Variants in NCAM1 observed in about 807,000 individuals in gnomAD.
NCAM1 encodes the protein neural cell adhesion molecule 1.
Under a neutral mutation model 109.8 loss-of-function variants are expected in NCAM1, and 14 were observed. The ratio of observed to expected loss-of-function variants is 0.13; its 90% CI spans 0.08 to 0.20. The LOEUF is 0.20. Ranked by LOEUF, NCAM1 falls within the 10% of genes least tolerant of loss-of-function variation. NCAM1 has a pLI of 1.00. For synonymous variants in NCAM1, 418 were observed against 442.9 expected (o/e 0.94, Z 0.70); for missense variants, 774 against 1,109.9 (o/e 0.70, Z 4.30).
At chr11:113,000,081 C>T (rs1259155286) in intron 1 of NCAM1, among the ~76,000 whole-genome samples, 1 of 151,998 alleles carries the variant, frequency 6.6e-6, no homozygotes, top group Non-Finnish European at 1.5e-5. Flanking sequence ...GCCTGATATT[C>T]TGCCACTGAT....
chr11:113,176,381 G>T (rs1943143691), intron 1 of NCAM1, among the ~76,000 whole-genome samples: 2 of 152,196 alleles, frequency 1.3e-5, no homozygotes, highest in South Asian at 4.1e-4. Context: ...TTTGATTGTG[G>T]TGAAGCATGA....
intron 1 of NCAM1, among the ~76,000 whole-genome samples, chr11:113,027,877 G>A (rs560486059): frequency 2.6e-5 from 4 of 152,132 alleles, no homozygotes; most frequent in East Asian, 1.9e-4. Flanking sequence ...AATTGACTAC[G>A]TGTCAGCGTT....
At position 113,276,239 on chromosome 11, in the gene NCAM1, G is replaced by T. The variant is rs1946398015; in HGVS notation, c.*852G>T. The T allele has an allele frequency of 6.6e-6, 1 of 152,582 alleles. No homozygotes were observed. Among genetic ancestry groups the T allele is most frequent in the South Asian group, 2.1e-4 (1 of 4,820 alleles). 9.5% of individuals were successfully genotyped at this position (152,582 alleles called of 1,614,324 possible). On this transcript the variant is annotated 3_prime_UTR_variant, in exon 20 of 20. Coordinates refer to ENST00000316851, the MANE Select transcript of NCAM1 (RefSeq NM_181351.5). ...ATCATCCCACGCTTGCTTTAGCACA[G>T]GACAACTTTACAAAACATGATTGTT...
intron 1 of NCAM1, among the ~76,000 whole-genome samples, chr11:113,161,315 T>TA (rs1248875058): frequency 6.6e-6 from 1 of 152,222 alleles, no homozygotes; most frequent in Admixed American, 6.5e-5. Context: ...TTCTGCTCCT[T>TA]ACATCTACAT....
intron 1 of NCAM1, among the ~76,000 whole-genome samples, chr11:113,063,476 C>G (rs1195698110): frequency 1.3e-5 from 2 of 152,224 alleles, no homozygotes; most frequent in Non-Finnish European, 2.9e-5. Flanking sequence ...CTCTGAGCCT[C>G]ATTCTGCCTC....
At chr11:113,255,732 T>C (rs1281203374) in intron 15 of NCAM1, 145 bp from the exon 16 acceptor site, 11 of 944,244 alleles carry the variant, frequency 1.2e-5, no homozygotes, top group African/African-American at 3.3e-5. Context: ...GGAATTCAGT[T>C]TTATATTTAT....
At chr11:113,026,365 C>T (rs1360514908) in intron 1 of NCAM1, among the ~76,000 whole-genome samples, 3 of 152,068 alleles carry the variant, frequency 2.0e-5, no homozygotes, top group Non-Finnish European at 4.4e-5. Context: ...TACTTTGCTT[C>T]CCCAGGATTT....
chr11:113,012,912 T>C (rs1250438877), intron 1 of NCAM1, among the ~76,000 whole-genome samples: 1 of 152,180 alleles, frequency 6.6e-6, no homozygotes, highest in Non-Finnish European at 1.5e-5. Flanking sequence ...AGGAGATAGA[T>C]GCTGAAGTAT....
At chr11:113,107,674 G>C (rs12270558) in intron 1 of NCAM1, among the ~76,000 whole-genome samples, 10,896 of 152,100 alleles carry the variant, frequency 0.072, 755 homozygotes, top group Admixed American at 0.17. Context: ...ATTACCACGA[G>C]GACAGTATGG....
At chr11:113,059,938 A>G (rs1555083203) in intron 1 of NCAM1, among the ~76,000 whole-genome samples, 1 of 152,198 alleles carries the variant, frequency 6.6e-6, no homozygotes, top group East Asian at 1.9e-4. Context: ...AAAGACAAAC[A>G]GGAATGAGAG....
In NCAM1 at chr11:113,243,425, G is replaced by GA. The variant is rs1308389208; in HGVS notation, c.1826-2938dup. ...CTTTCAGGCTCCCGCCTCAGTGCTA[G>GA]AAAAATGATGGGCAGAAAAAGCCTA... On this transcript the variant is annotated intron_variant, in intron 14 of 19. Coordinates refer to ENST00000316851, the MANE Select transcript of NCAM1 (RefSeq NM_181351.5). 10 of 373,500 alleles carry GA rather than the reference G, an allele frequency of 2.7e-5. No individual in the cohort carries two copies. The East Asian group carries it at 7.2e-4, about 27-fold the overall frequency. The allele number at this position is 373,500 out of a possible 1,614,324, so 23.1% of individuals were successfully genotyped here. A position where few individuals can be genotyped will look rare whatever the true frequency, so the allele number is the denominator to read the frequency against.
intron 1 of NCAM1, among the ~76,000 whole-genome samples, chr11:112,992,426 C>G (rs1951483732): frequency 6.6e-6 from 1 of 150,736 alleles, no homozygotes; most frequent in South Asian, 2.1e-4. Flanking sequence ...TTACATGGTT[C>G]AAAAATGAAA....
At chr11:113,134,273 A>G (rs562791059) in intron 1 of NCAM1, among the ~76,000 whole-genome samples, 2 of 152,314 alleles carry the variant, frequency 1.3e-5, no homozygotes, top group South Asian at 2.1e-4. Context: ...ACGTAGCATA[A>G]TAGCCTCATG....
intron 1 of NCAM1, among the ~76,000 whole-genome samples, chr11:113,121,965 G>T (rs1179022441): frequency 1.3e-5 from 2 of 152,200 alleles, no homozygotes; most frequent in Admixed American, 6.5e-5. Context: ...CCTGTCTCAG[G>T]TTGATTTTAT....
chr11:113,036,774 G>A (rs1335621908), intron 1 of NCAM1, among the ~76,000 whole-genome samples: 1 of 152,022 alleles, frequency 6.6e-6, no homozygotes, highest in Non-Finnish European at 1.5e-5. Flanking sequence ...AATATTTCAA[G>A]GAAATTGATG....
intron 1 of NCAM1, among the ~76,000 whole-genome samples, chr11:113,079,675 T>A (rs1227533409): frequency 6.6e-6 from 1 of 152,226 alleles, no homozygotes; most frequent in Non-Finnish European, 1.5e-5. Context: ...TTATAGTTTT[T>A]AAAAAATTAA....
rs560214539 is a variant in NCAM1 at position 113,205,673 on chromosome 11, C to A, written c.490+7C>A. 3.7e-6 allele frequency: 6 copies of A among 1,611,536 alleles called. No individual in the cohort carries two copies. In the South Asian group the frequency reaches 6.6e-5, roughly 18 times the overall value. ...GTCATCCTGAAAAAAGATGGTGAGACCTGAATTTCCTGGCATCTGCCTTTT... is the reference window on the plus strand; with the variant it reads ...GTCATCCTGAAAAAAGATGGTGAGAACTGAATTTCCTGGCATCTGCCTTTT... On this transcript the variant is annotated splice_region_variant and intron_variant, in intron 4 of 19. Coordinates refer to ENST00000316851, the MANE Select transcript of NCAM1 (RefSeq NM_181351.5).
intron 9 of NCAM1, among the ~76,000 whole-genome samples, chr11:113,225,308 C>T (rs995586082): frequency 8.5e-5 from 13 of 152,058 alleles, no homozygotes; most frequent in African/African-American, 2.4e-4. Context: ...CTAACCAATT[C>T]GATCAACTGG....
At position 112,997,611 on chromosome 11, in the gene NCAM1, A is replaced by G. The variant is rs1267219217; in HGVS notation, c.52+35947A>G. ...GATTTAATTTATTAGATAATAAGAT[A>G]CACGTTACCATATGTAGCCCCCTCC... On this transcript the variant is annotated intron_variant, in intron 1 of 19. Coordinates refer to ENST00000316851, the MANE Select transcript of NCAM1 (RefSeq NM_181351.5). Among the ~76,000 whole-genome samples, 3 of 152,288 alleles carry G rather than the reference A, an allele frequency of 2.0e-5. No homozygotes were observed. In the East Asian group the frequency reaches 5.8e-4, roughly 29 times the overall value.
Sources: allele counts gnomAD v4.1 joint callset (sites outside exome capture counted in the v4.1 genomes callset), GRCh38; gene constraint gnomAD v4.1.1; transcripts MANE v1.5; gene names NCBI Gene and HGNC (gene_info 2026-07-23, HGNC 2026-07-21).